Variants in MYLIP observed in about 807,000 individuals in gnomAD.
MYLIP encodes myosin regulatory light chain interacting protein, also known as E3 ubiquitin-protein ligase MYLIP.
In MYLIP, 26 loss-of-function variants were observed where a neutral mutation model predicts 45.8. The ratio of observed to expected loss-of-function variants is 0.57; its 90% confidence interval spans 0.42 to 0.79. MYLIP has a LOEUF of 0.79. Among genes scored for constraint, MYLIP ranks in the 30% least tolerant of loss-of-function variants. The pLI, the probability that MYLIP is intolerant of heterozygous loss-of-function variation, is 0.00. For synonymous variants in MYLIP, 213 were observed against 218.1 expected, an observed-to-expected ratio of 0.98 and a Z score of 0.21; for missense variants, 494 against 555.6, an observed-to-expected ratio of 0.89 and a Z score of 1.11.
intron 2 of MYLIP, among the ~76,000 whole-genome samples, chr6:16,135,714 A>G (rs555394745): frequency 2.7e-5 from 4 of 147,324 alleles, no homozygotes; most frequent in African/African-American, 9.9e-5. Context: ...GGGAACACCT[A>G]TGTATATATA....
chr6:16,145,870 A>G (rs923236426), intron 6 of MYLIP, among the ~76,000 whole-genome samples: 6 of 152,116 alleles, frequency 3.9e-5, no homozygotes, highest in African/African-American at 1.2e-4. Flanking sequence ...GAAAAAGAGA[A>G]CTCACATATA....
Position 16,144,944 on chromosome 6 carries a change from T to C in MYLIP, c.875T>C (p.Leu292Ser). 6.2e-7 allele frequency: 1 copy of C among 1,614,220 alleles called. No individual in the cohort carries two copies. The highest frequency in any genetic ancestry group is 8.5e-7 in the Non-Finnish European group (1 of 1,180,024). Reference protein sequence around the residue: ...SAVMMQYSRDLKGHLASLFLN... With the variant: ...SAVMMQYSRDSKGHLASLFLN... ...GTGATGATGCAGTATAGCCGTGACT[T>C]GAAGGGCCACTTGGCATCTCTGTTT... The change falls in exon 6 of 7, where the codon TTG becomes TCG. Residue 292 changes from leucine (L) to serine (S), a missense_variant. Transcript: ENST00000356840.
chr6:16,129,099 G>T lies in MYLIP; in HGVS notation c.-224G>T. 1 of 552,582 alleles carries T rather than the reference G, an allele frequency of 1.8e-6. No homozygotes were observed. The highest frequency in any genetic ancestry group is 2.2e-5 in the South Asian group (1 of 45,892). 34.2% of individuals were successfully genotyped at this position (552,582 alleles called of 1,614,324 possible). A position where few individuals can be genotyped will look rare whatever the true frequency, so the allele number is the denominator to read the frequency against. Reference sequence around the variant, plus strand: ...CGCAGCGCAGGCAGTTGGGCTGCTGGAGTGCGGCGCCACCGCGGAGGACAG... The same window carrying T: ...CGCAGCGCAGGCAGTTGGGCTGCTGTAGTGCGGCGCCACCGCGGAGGACAG... On this transcript the variant is annotated 5_prime_UTR_variant, in exon 1 of 7. Coordinates refer to ENST00000356840, the MANE Select transcript of MYLIP (RefSeq NM_013262.4). This position sits in a 1 kb window ranked among gnomAD's most constrained non-coding sequence, Gnocchi z 5.1.
intron 2 of MYLIP, among the ~76,000 whole-genome samples, chr6:16,132,177 G>T (rs1055529661): frequency 6.6e-6 from 1 of 152,138 alleles, no homozygotes; most frequent in Non-Finnish European, 1.5e-5. Flanking sequence ...ATCTTCAGAA[G>T]CTTGGAGTAC....
At chr6:16,161,189 T>G in the MYLIP span, 2 of 218,166 alleles carry the variant, frequency 9.2e-6, no homozygotes, top group Non-Finnish European at 1.9e-5. Context: ...TTCGTAGGAG[T>G]GACTAGAGCC....
chr6:16,134,509 G>A (rs552810137), intron 2 of MYLIP, among the ~76,000 whole-genome samples: 1 of 152,224 alleles, frequency 6.6e-6, no homozygotes, highest in East Asian at 1.9e-4. Flanking sequence ...GTTTATTGTG[G>A]CTATTAGTTC....
At chr6:16,134,139 T>C (rs1759507895) in intron 2 of MYLIP, among the ~76,000 whole-genome samples, 1 of 152,206 alleles carries the variant, frequency 6.6e-6, no homozygotes, top group East Asian at 1.9e-4. Flanking sequence ...ACTTACGTGG[T>C]AATTTGTTTA....
downstream of MYLIP, among the ~76,000 whole-genome samples, chr6:16,149,810 G>A (rs1000158893): frequency 6.6e-6 from 1 of 152,214 alleles, no homozygotes; most frequent in African/African-American, 2.4e-5. Flanking sequence ...AATATGGTCA[G>A]CATTACTGAG....
the MYLIP span, among the ~76,000 whole-genome samples, chr6:16,161,846 T>G: frequency 6.6e-6 from 1 of 152,202 alleles, no homozygotes; most frequent in Non-Finnish European, 1.5e-5. Context: ...ATGAGAAGGC[T>G]TTCAAGATTT....
At chr6:16,157,918 G>T in the MYLIP span, among the ~76,000 whole-genome samples, 42 of 152,266 alleles carry the variant, frequency 2.8e-4, no homozygotes, top group African/African-American at 9.9e-4. Flanking sequence ...TTCTTCATTC[G>T]CTTTAATCAG....
chr6:16,159,701 C>T, the MYLIP span, among the ~76,000 whole-genome samples: 1 of 152,192 alleles, frequency 6.6e-6, no homozygotes, highest in African/African-American at 2.4e-5. Flanking sequence ...TCTGCAAACT[C>T]AGCCTTCCTC....
At position 16,130,611 on chromosome 6, in the gene MYLIP, G is replaced by A. The variant is rs776061148; in HGVS notation, c.142G>A (p.Gly48Ser). 6.2e-7 allele frequency: 1 copy of A among 1,614,182 alleles called. No homozygotes were observed. The highest frequency in any genetic ancestry group is 1.7e-5 in the Admixed American group (1 of 60,026). ...EVDYFGLQFT[G>S]SKGESLWLNL... is the part of the protein sequence containing the mutation. ...TGACTATTTTGGACTGCAGTTTACG[G>A]GTAGCAAAGGTGAAAGTTTATGGCT... The change falls in exon 2 of 7, where the codon GGT (glycine) becomes AGT (serine). Residue 48 changes from glycine (G) to serine (S), a missense_variant. Physicochemically the swap from Gly to Ser is moderately conservative, Grantham distance 56. Coordinates refer to ENST00000356840, the MANE Select transcript of MYLIP (RefSeq NM_013262.4).
chr6:16,158,742 C>A, the MYLIP span, among the ~76,000 whole-genome samples: 1 of 152,156 alleles, frequency 6.6e-6, no homozygotes, highest in African/African-American at 2.4e-5. Flanking sequence ...TGGTGGCGGG[C>A]ACCTGTAGTC....
chr6:16,158,977 A>G, the MYLIP span, among the ~76,000 whole-genome samples: 1 of 152,218 alleles, frequency 6.6e-6, no homozygotes, highest in Admixed American at 6.5e-5. Context: ...CCCAGAATAT[A>G]GTAACCACTC....
chr6:16,156,181 G>GA, the MYLIP span, among the ~76,000 whole-genome samples: 1 of 152,130 alleles, frequency 6.6e-6, no homozygotes, highest in Non-Finnish European at 1.5e-5. Context: ...CACAAGACTG[G>GA]AGGCAGGGTG....
At chr6:16,143,577 C>A in intron 4 of MYLIP, 122 bp from the exon 5 acceptor site, 1 of 994,066 alleles carries the variant, frequency 1.0e-6, no homozygotes, top group Non-Finnish European at 1.5e-6. Context: ...GATGTGATAA[C>A]CCCAGAGGAA....
the MYLIP span, among the ~76,000 whole-genome samples, chr6:16,157,742 TG>T: frequency 6.6e-6 from 1 of 152,234 alleles, no homozygotes; most frequent in Non-Finnish European, 1.5e-5. Context: ...TACACAGCTG[TG>T]GGGCTGCAAG....
At chr6:16,155,663 C>T in the MYLIP span, among the ~76,000 whole-genome samples, 1 of 152,218 alleles carries the variant, frequency 6.6e-6, no homozygotes, top group African/African-American at 2.4e-5. Flanking sequence ...TCACTCGAAC[C>T]CATTGCTCTC....
the MYLIP span, among the ~76,000 whole-genome samples, chr6:16,156,554 CT>C: frequency 6.6e-6 from 1 of 152,160 alleles, no homozygotes; most frequent in Non-Finnish European, 1.5e-5. Flanking sequence ...CTTACTGAGG[CT>C]TTATGGAGGA....
Sources: allele counts gnomAD v4.1 joint callset (sites outside exome capture counted in the v4.1 genomes callset), GRCh38; gene constraint gnomAD v4.1.1; non-coding constraint Gnocchi (gnomAD v3.1); transcripts MANE v1.5; gene names NCBI Gene and HGNC (gene_info 2026-07-23, HGNC 2026-07-21).